HERC2: variants seen among roughly 807,000 people sequenced by gnomAD.
HERC2 encodes E3 ubiquitin-protein ligase HERC2.
HERC2 carries 102 observed loss-of-function variants against 537.7 expected under a neutral mutation model. The observed-to-expected ratio is 0.19, with a 90% CI of 0.16 to 0.22. The LOEUF (loss-of-function observed/expected upper bound fraction) is 0.22, where lower values mean the gene tolerates loss of function less well. Among genes scored for constraint, HERC2 ranks in the 10% least tolerant of loss-of-function variants. HERC2 has a pLI of 1.00. For missense variants in HERC2, 4,236 were observed against 6,198.2 expected (o/e 0.68, Z 10.63); for synonymous variants, 2,224 against 2,466.2 (o/e 0.90, Z 2.91).
chr15:28,306,637 A>T (rs1474234372), intron 2 of HERC2, among the ~76,000 whole-genome samples: 1 of 152,206 alleles, frequency 6.6e-6, no homozygotes, highest in Non-Finnish European at 1.5e-5. Context: ...TAGTTTCACT[A>T]GGATTGGTAA....
chr15:28,148,479 A>G (rs1430042868), intron 70 of HERC2, among the ~76,000 whole-genome samples: 2 of 152,244 alleles, frequency 1.3e-5, no homozygotes, highest in Non-Finnish European at 2.9e-5. Flanking sequence ...GCAAGGCTAC[A>G]GAACAAACAC....
chr15:28,229,484 A>C lies in HERC2; in HGVS notation c.5096T>G (p.Leu1699Arg). Residue 1699 changes from leucine to arginine, a missense_variant, in exon 33 of 93, where the codon CTT becomes CGT. Physicochemically the swap from Leu to Arg is moderately radical, Grantham distance 102. Around this residue, in one of 27 missense-constraint regions of HERC2, gnomAD observed 343 missense variants for 417.2 expected, o/e 0.82. Coordinates refer to ENST00000261609, the MANE Select transcript of HERC2 (RefSeq NM_004667.6). ...CCCTATATCGATTCCCTCAGGAATA[A>C]GTCTTTGCCATCCACAAAACATCGC... ...QYAMFCGWQR[L>R]IPEGIDIGEP... is the part of the protein sequence containing the mutation. 6.2e-7 allele frequency: 1 copy of C among 1,613,908 alleles called. No individual in the cohort carries two copies. Among genetic ancestry groups the C allele is most frequent in the Non-Finnish European group, 8.5e-7 (1 of 1,179,752 alleles).
At position 28,255,993 on chromosome 15, in the gene HERC2, G is replaced by A; in HGVS notation, c.2750C>T (p.Ser917Leu). The stretch of plus-strand genomic sequence containing the variant: ...TGGACTTATGTTCACTTCATTGCCT[G>A]AAACTGAAATAGAAAGTGTGTGCCA... Reference protein sequence around the residue: ...ALSALLPCAVSGNEVNISPGR... With the variant: ...ALSALLPCAVLGNEVNISPGR... Residue 917 changes from serine to leucine, a missense_variant, in exon 19 of 93, where the codon TCA becomes TTA. Ser to Leu is a moderately radical substitution (Grantham distance 145). Transcript: ENST00000261609. The A allele has an allele frequency of 1.2e-6, 2 of 1,605,994 alleles. No individual in the cohort carries two copies. The highest frequency in any genetic ancestry group is 1.7e-6 in the Non-Finnish European group (2 of 1,179,838).
At chr15:28,225,442 A>G (rs1901025600) in intron 35 of HERC2, among the ~76,000 whole-genome samples, 1 of 152,160 alleles carries the variant, frequency 6.6e-6, no homozygotes, top group African/African-American at 2.4e-5. Flanking sequence ...TCACGCCTGT[A>G]ATCCCAGCAC....
At chr15:28,182,279 G>C in intron 57 of HERC2, 122 bp downstream of exon 57, 1 of 579,142 alleles carries the variant, frequency 1.7e-6, no homozygotes, top group South Asian at 2.9e-5. Flanking sequence ...ATTTGATAAT[G>C]TCTTTTAGTT....
rs555520758 is a variant in HERC2, at chr15:28,265,064, A to G, written c.1870+554T>C. Among the ~76,000 whole-genome samples, 75 of 152,136 alleles carry G rather than the reference A, an allele frequency of 4.9e-4. No homozygotes were observed. In the East Asian group the frequency reaches 0.01, roughly 20 times the overall value. On this transcript the variant is annotated intron_variant, in intron 14 of 92. Transcript: ENST00000261609. This position sits in a 1 kb window ranked among gnomAD's most constrained non-coding sequence, Gnocchi z 4.0. ...TACCCCTGCTGATTATAACGGAAAG[A>G]CTCCACAACGCCAGAGACACACAAG...
chr15:28,171,617 T>G (rs1045860052), intron 65 of HERC2, among the ~76,000 whole-genome samples: 1 of 151,974 alleles, frequency 6.6e-6, no homozygotes, highest in Non-Finnish European at 1.5e-5. Flanking sequence ...AATATTTGTA[T>G]GACAAGATGA....
chr15:28,171,244 C>T (rs1894665414), intron 65 of HERC2, among the ~76,000 whole-genome samples: 2 of 152,110 alleles, frequency 1.3e-5, no homozygotes, highest in African/African-American at 2.4e-5. Flanking sequence ...AAATGTCCTT[C>T]GATGGTTGAG....
chr15:28,246,783 T>C lies in HERC2; in HGVS notation c.3350A>G (p.His1117Arg). The change falls in exon 22 of 93, where the codon CAC (histidine) becomes CGC (arginine). Residue 1117 changes from histidine to arginine, a missense_variant. Around this residue, in one of 27 missense-constraint regions of HERC2, gnomAD observed 754 missense variants for 1,085.0 expected, o/e 0.69. Coordinates refer to ENST00000261609, the MANE Select transcript of HERC2 (RefSeq NM_004667.6). ...AASIASTSWR[H>R]FAEVAYIVEG... is the part of the protein sequence containing the mutation. ...CACAATGTAAGCCACCTCCGCGAAG[T>C]GCCGCCAGCTGGTAGAAGCAATGCT... 6.2e-7 allele frequency: 1 copy of C among 1,607,282 alleles called. No homozygotes were observed. Among genetic ancestry groups the C allele is most frequent in the Non-Finnish European group, 8.5e-7 (1 of 1,177,096 alleles).
intron 70 of HERC2, among the ~76,000 whole-genome samples, chr15:28,148,237 T>A (rs537953217): frequency 6.6e-6 from 1 of 151,964 alleles, no homozygotes; most frequent in African/African-American, 2.4e-5. Flanking sequence ...TTTATAAAGC[T>A]GAAGACAGAA....
Position 28,214,254 on chromosome 15 carries a change from C to A in HERC2, c.6377G>T (p.Arg2126Leu), listed in dbSNP as rs182540215. ...PLLRESTLRR[R>L]RVRPQASLTA... ...CAGCGAGGCCTGCGGGCGCACCCTG[C>A]GCCGCCTCAGCGTGGACTCTGAGGA... The change falls in exon 41 of 93, where the codon CGC becomes CTC. Residue 2126 changes from arginine (R) to leucine (L), a missense_variant. By Grantham distance (102) the Arg-to-Leu change is moderately radical. Coordinates refer to ENST00000261609, the MANE Select transcript of HERC2 (RefSeq NM_004667.6). 564 of 1,611,444 alleles carry A rather than the reference C, an allele frequency of 3.5e-4. 6 individuals are homozygous for A. In the East Asian group the frequency reaches 0.012, roughly 36 times the overall value.
intron 23 of HERC2, among the ~76,000 whole-genome samples, chr15:28,241,978 T>C (rs1044746903): frequency 2.0e-5 from 3 of 152,184 alleles, no homozygotes; most frequent in African/African-American, 4.8e-5. Context: ...TAACAGAATA[T>C]GATTTCACCT....
rs150109705 is a variant in HERC2, at chr15:28,118,093, A to C, written c.13273-939T>G. On this transcript the variant is annotated intron_variant, in intron 86 of 92. Coordinates refer to ENST00000261609, the MANE Select transcript of HERC2 (RefSeq NM_004667.6). The stretch of plus-strand genomic sequence containing the variant: ...AAATACAAGAAGAATGACAGGAGCC[A>C]CAGTTGCCTGTAGAATGAACTTGTC... The C allele has an allele frequency of 4.1e-3, 710 of 171,188 alleles. 4 individuals carry two copies. Among genetic ancestry groups the C allele is most frequent in the African/African-American group, 0.016 (685 of 41,710 alleles). 10.6% of individuals were successfully genotyped at this position (171,188 alleles called of 1,614,324 possible).
At chr15:28,198,289 T>C in intron 50 of HERC2, 89 bp downstream of exon 50, 1 of 1,426,610 alleles carries the variant, frequency 7.0e-7, no homozygotes, top group Non-Finnish European at 9.6e-7. Context: ...TTGTTTTCTG[T>C]TTTGTGTGCT....
Position 28,139,896 on chromosome 15 carries a change from TAAAA to T in HERC2, c.12015+1532_12015+1535del, listed in dbSNP as rs758739007. Among the ~76,000 whole-genome samples the T allele has an allele frequency of 3.2e-3, 402 of 125,898 alleles. 2 individuals carry two copies. Among genetic ancestry groups the T allele is most frequent in the African/African-American group, 0.01 (324 of 31,364 alleles). 82.6% of individuals were successfully genotyped at this position (125,898 alleles called of 152,430 possible). A position where few individuals can be genotyped will look rare whatever the true frequency, so the allele number is the denominator to read the frequency against. ...CAATATGGCGAAACCCCATCTCTAC[TAAAA>T]AAAAAAAAAAAAAAAAGATTAGCCA... On this transcript the variant is annotated intron_variant, in intron 78 of 92. Coordinates refer to ENST00000261609, the MANE Select transcript of HERC2 (RefSeq NM_004667.6).
At position 28,132,764 on chromosome 15, in the gene HERC2, G is replaced by A. The variant is rs771775472; in HGVS notation, c.12297C>T (p.Gly4099=). Residue 4099 remains glycine (G), a synonymous_variant, in exon 80 of 93, where the codon GGC becomes GGT. Transcript: ENST00000261609. ...RGIEVVDVAA[G]GAHSACVTAA... is the part of the protein sequence containing the mutation. ...CTGTGACACAGGCGCTGTGGGCTCC[G>A]CCAGCAGCAACATCGACCACTTCAA... 46 of 1,607,150 alleles carry A rather than the reference G, an allele frequency of 2.9e-5. No homozygotes were observed. The highest frequency in any genetic ancestry group is 3.6e-5 in the Non-Finnish European group (42 of 1,177,020).
intron 20 of HERC2, among the ~76,000 whole-genome samples, chr15:28,254,093 G>A (rs993711050): frequency 1.3e-5 from 2 of 152,172 alleles, no homozygotes; most frequent in African/African-American, 4.8e-5. Flanking sequence ...AGACAAGCCT[G>A]ACCACCATGA....
intron 66 of HERC2, 139 bp downstream of exon 66, chr15:28,169,345 C>T: frequency 1.7e-6 from 1 of 581,390 alleles, no homozygotes; most frequent in South Asian, 2.9e-5. Context: ...CATCAAAGAA[C>T]TTGTGACTTA....
intron 23 of HERC2, among the ~76,000 whole-genome samples, chr15:28,240,123 T>C (rs1902909259): frequency 1.3e-5 from 2 of 152,122 alleles, no homozygotes; most frequent in Admixed American, 1.3e-4. Flanking sequence ...AATTATGCTT[T>C]AAAATAATCC....
Sources: gnomAD v4.1 joint callset for allele counts (sites outside exome capture counted in the v4.1 genomes callset) on GRCh38, gnomAD v4.1.1 for gene constraint, gnomAD v4.1.1 regional missense constraint, Gnocchi (gnomAD v3.1) non-coding constraint, MANE v1.5 for transcripts, NCBI Gene and HGNC (gene_info 2026-07-23, HGNC 2026-07-21) for gene names.